The following COG5 variants were observed in gnomAD, a reference collection of about 807,000 sequenced individuals.
COG5 encodes the protein component of oligomeric golgi complex 5.
A neutral mutation model predicts 110.4 loss-of-function variants in COG5; 86 were observed. The observed-to-expected ratio is 0.78, with a 90% CI of 0.65 to 0.93. COG5 has a LOEUF of 0.93. Among genes scored for constraint, COG5 ranks in the 40% least tolerant of loss-of-function variants. The pLI is 0.00. For missense variants in COG5, 1,077 were observed against 987.0 expected, an observed-to-expected ratio of 1.09 and a Z score of -1.22; for synonymous variants, 360 against 334.6, an observed-to-expected ratio of 1.08 and a Z score of -0.83.
At chr7:107,487,200 C>G (rs1797705370) in intron 6 of COG5, among the ~76,000 whole-genome samples, 1 of 152,024 alleles carries the variant, frequency 6.6e-6, no homozygotes, top group Non-Finnish European at 1.5e-5. Flanking sequence ...AAAATAGTTA[C>G]AAACCAACAT....
intron 17 of COG5, among the ~76,000 whole-genome samples, chr7:107,237,565 A>G (rs1801299084): frequency 6.6e-6 from 1 of 152,246 alleles, no homozygotes; most frequent in African/African-American, 2.4e-5. Flanking sequence ...GCTTAGAGCA[A>G]GAGAATGAGT....
intron 6 of COG5, among the ~76,000 whole-genome samples, chr7:107,428,440 T>C (rs192091704): frequency 2.7e-4 from 41 of 151,628 alleles, no homozygotes; most frequent in African/African-American, 4.4e-4. Context: ...CATGTGAAGA[T>C]AGAGGCAGAG....
intron 8 of COG5, among the ~76,000 whole-genome samples, chr7:107,368,104 T>A (rs542951425): frequency 5.9e-5 from 9 of 152,060 alleles, no homozygotes; most frequent in Non-Finnish European, 1.3e-4. Flanking sequence ...TTCCCACATT[T>A]AGTAGTAAAG....
intron 7 of COG5, among the ~76,000 whole-genome samples, chr7:107,391,247 A>C (rs1260264122): frequency 6.6e-6 from 1 of 152,144 alleles, no homozygotes; most frequent in Non-Finnish European, 1.5e-5. Context: ...GGGAGTCTGT[A>C]AGCTGCCTGG....
At chr7:107,370,301 A>T (rs1170116102) in intron 8 of COG5, among the ~76,000 whole-genome samples, 4 of 152,050 alleles carry the variant, frequency 2.6e-5, no homozygotes, top group Non-Finnish European at 4.4e-5. Context: ...ATAATCTTAC[A>T]CTTATAAAAA....
At chr7:107,209,129 T>C in intron 21 of COG5, 1 of 985,472 alleles carries the variant, frequency 1.0e-6, no homozygotes, top group Non-Finnish European at 1.2e-6. Context: ...GGAACTCAAC[T>C]CATCACCTGA....
intron 21 of COG5, among the ~76,000 whole-genome samples, chr7:107,205,965 T>A (rs1429109125): frequency 4.0e-5 from 6 of 151,676 alleles, no homozygotes; most frequent in Non-Finnish European, 7.4e-5. Context: ...TTTTTTTTTT[T>A]TTTTTATTTT....
intron 17 of COG5, among the ~76,000 whole-genome samples, chr7:107,241,349 T>C (rs1261255059): frequency 1.3e-5 from 2 of 151,250 alleles, no homozygotes; most frequent in Non-Finnish European, 2.9e-5. Context: ...GAGTTCCAAA[T>C]ATAGTTTTTT....
intron 21 of COG5, among the ~76,000 whole-genome samples, chr7:107,204,209 T>G (rs1798578670): frequency 6.6e-6 from 1 of 152,200 alleles, no homozygotes; most frequent in Admixed American, 6.5e-5. Context: ...TTCCATTGTT[T>G]ATGATTATGA....
At chr7:107,370,957 C>A (rs1339304817) in intron 8 of COG5, among the ~76,000 whole-genome samples, 2 of 151,750 alleles carry the variant, frequency 1.3e-5, no homozygotes, top group African/African-American at 4.8e-5. Context: ...ACAAAAGAGG[C>A]ATACATTAGG....
chr7:107,533,155 T>A (rs985510854), intron 5 of COG5, among the ~76,000 whole-genome samples: 2 of 151,198 alleles, frequency 1.3e-5, no homozygotes, highest in Non-Finnish European at 2.9e-5. Flanking sequence ...AAAAACTCCA[T>A]CCAAAGGTCA....
chr7:107,441,109 G>A (rs1253825298), intron 6 of COG5, among the ~76,000 whole-genome samples: 3 of 151,882 alleles, frequency 2.0e-5, no homozygotes, highest in Non-Finnish European at 2.9e-5. Flanking sequence ...AAAAAAATTA[G>A]CCGGGCATGG....
intron 19 of COG5, among the ~76,000 whole-genome samples, chr7:107,214,868 C>T (rs1799409760): frequency 6.6e-6 from 1 of 150,906 alleles, no homozygotes; most frequent in African/African-American, 2.4e-5. Flanking sequence ...TTGTAGTGAG[C>T]CAAGATGGCA....
rs1360799320 is a variant in COG5 at position 107,230,694 on chromosome 7, GA to G, written c.2092-4del. 1.9e-6 allele frequency: 3 copies of G among 1,602,004 alleles called. No individual in the cohort carries two copies. Among genetic ancestry groups the G allele is most frequent in the East Asian group, 2.2e-5 (1 of 44,764 alleles). On this transcript the variant is annotated splice_region_variant and splice_polypyrimidine_tract_variant and intron_variant, in intron 18 of 21. Transcript: ENST00000297135. ...AATGGACCCACAGCCAACTCCATCT[GA>G]AATATTAAAATATACTCCATTGTTG...
At chr7:107,361,282 G>A (rs1034823210) in intron 10 of COG5, among the ~76,000 whole-genome samples, 4 of 152,144 alleles carry the variant, frequency 2.6e-5, no homozygotes, top group African/African-American at 9.7e-5. Flanking sequence ...GTAGATTGGT[G>A]GAAGACAGAA....
intron 19 of COG5, among the ~76,000 whole-genome samples, chr7:107,221,200 G>C (rs150624323): frequency 2.6e-5 from 4 of 151,802 alleles, no homozygotes; most frequent in African/African-American, 9.7e-5. Context: ...TTCTCCATTA[G>C]AGCCCATTCT....
chr7:107,406,693 C>G (rs1791865173), intron 7 of COG5, among the ~76,000 whole-genome samples: 2 of 152,054 alleles, frequency 1.3e-5, no homozygotes, highest in Admixed American at 6.6e-5. Flanking sequence ...TTAAATTTAT[C>G]CAACCCTATT....
At chr7:107,539,358 T>C (rs1801815306) in intron 5 of COG5, among the ~76,000 whole-genome samples, 1 of 152,196 alleles carries the variant, frequency 6.6e-6, no homozygotes, top group Admixed American at 6.6e-5. Flanking sequence ...CAAGAACCTA[T>C]CAATGACATT....
intron 6 of COG5, among the ~76,000 whole-genome samples, chr7:107,457,617 G>A (rs1319164054): frequency 6.6e-6 from 1 of 151,980 alleles, no homozygotes; most frequent in African/African-American, 2.4e-5. Context: ...TTTCAGTAGA[G>A]ACAGGGTTTC....
Sources: allele counts gnomAD v4.1 joint callset (sites outside exome capture counted in the v4.1 genomes callset), GRCh38; gene constraint gnomAD v4.1.1; transcripts MANE v1.5; gene names NCBI Gene and HGNC (gene_info 2026-07-23, HGNC 2026-07-21).